The following CES5A variants were observed in gnomAD, a reference collection of about 807,000 sequenced individuals.
CES5A encodes the protein carboxylesterase 5.
Under a neutral mutation model 62.9 loss-of-function variants are expected in CES5A, and 67 were observed. That is an observed-to-expected ratio of 1.07 (90% CI 0.88 to 1.31). The LOEUF (loss-of-function observed/expected upper bound fraction) is 1.31, where lower values mean the gene tolerates loss of function less well. CES5A is among the 50% of genes most tolerant of loss of function. The pLI is 0.00. For synonymous variants in CES5A, 296 were observed against 280.8 expected (o/e 1.05, Z -0.54); for missense variants, 748 against 708.5 (o/e 1.06, Z -0.63).
intron 4 of CES5A, among the ~76,000 whole-genome samples, chr16:55,868,485 G>A (rs2033511791): frequency 6.6e-6 from 1 of 152,138 alleles, no homozygotes; most frequent in Non-Finnish European, 1.5e-5. Context: ...CAACTCCAAT[G>A]TCACCCCTCT....
intron 10 of CES5A, among the ~76,000 whole-genome samples, chr16:55,851,406 A>C (rs1254409506): frequency 6.6e-6 from 1 of 152,228 alleles, no homozygotes; most frequent in Non-Finnish European, 1.5e-5. Context: ...CATCTCTAAT[A>C]ATTAGGAAAA....
intron 1 of CES5A, among the ~76,000 whole-genome samples, chr16:55,922,509 T>A (rs533294267): frequency 6.6e-6 from 1 of 152,034 alleles, no homozygotes; most frequent in East Asian, 1.9e-4. Context: ...TTATAAATAC[T>A]TATGTATCCA....
chr16:55,949,866 G>A, exon 2 of CES5A: 1 of 1,520,668 alleles, frequency 6.6e-7, no homozygotes, highest in Non-Finnish European at 8.8e-7. Flanking sequence ...TAGTAAACCA[G>A]GCACAATCTC....
At chr16:55,955,088 A>G (rs1280438649) in intron 1 of CES5A, among the ~76,000 whole-genome samples, 1 of 152,158 alleles carries the variant, frequency 6.6e-6, no homozygotes, top group Non-Finnish European at 1.5e-5. Flanking sequence ...TCTCTGAATG[A>G]CAGTTCTGGC....
At chr16:55,849,208 G>T (rs572301940) in intron 11 of CES5A, among the ~76,000 whole-genome samples, 25 of 152,258 alleles carry the variant, frequency 1.6e-4, no homozygotes, top group African/African-American at 5.8e-4. Flanking sequence ...TCTTCTGGGT[G>T]CAGACCACTT....
chr16:55,917,217 C>T (rs1310983064), intron 1 of CES5A, among the ~76,000 whole-genome samples: 4 of 152,226 alleles, frequency 2.6e-5, no homozygotes, highest in African/African-American at 9.6e-5. Flanking sequence ...CCTTTGACCT[C>T]TCCCTTAAGC....
At chr16:55,952,351 A>G (rs2034566098) in intron 1 of CES5A, among the ~76,000 whole-genome samples, 1 of 152,108 alleles carries the variant, frequency 6.6e-6, no homozygotes, top group African/African-American at 2.4e-5. Flanking sequence ...TAAGCTCTTC[A>G]GTTCAAGAAG....
upstream of CES5A, chr16:55,875,395 G>A: frequency 7.2e-7 from 1 of 1,392,432 alleles, no homozygotes; most frequent in South Asian, 1.7e-5. Flanking sequence ...AATTGACTAA[G>A]CAAGACTTTC....
intron 1 of CES5A, among the ~76,000 whole-genome samples, chr16:55,951,103 CAAAAAAAAAAA>C (rs55951124): frequency 3.2e-4 from 14 of 44,362 alleles, no homozygotes; most frequent in African/African-American, 1.4e-3. Context: ...GACTCCATCT[CAAAAAAAAAAA>C]AAAAAAAAAA....
At chr16:55,937,416 C>T (rs1409761785) in intron 2 of CES5A, among the ~76,000 whole-genome samples, 1 of 152,232 alleles carries the variant, frequency 6.6e-6, no homozygotes, top group Non-Finnish European at 1.5e-5. Context: ...TACCTAAAGG[C>T]CTCCATCCTG....
rs538156971 is a variant in CES5A, at chr16:55,900,530, C to A, written c.-256+24793G>T. On this transcript the variant is annotated intron_variant, in intron 1 of 12. Transcript: ENST00000518005. Reference sequence around the variant, plus strand: ...TCCCATAATAAAGCTTGTGCAGGGACCTGAAAGAAAGGAGGGGAACTTGTC... The same window carrying A: ...TCCCATAATAAAGCTTGTGCAGGGAACTGAAAGAAAGGAGGGGAACTTGTC... 3.3e-5 allele frequency among the ~76,000 whole-genome samples: 5 copies of A among 152,232 alleles called. No individual in the cohort carries two copies. The South Asian group carries it at 6.2e-4, about 19-fold the overall frequency.
At position 55,859,612 on chromosome 16, in the gene CES5A, C is replaced by T. The variant is rs1205635014; in HGVS notation, c.991G>A (p.Ala331Thr). The T allele has an allele frequency of 6.2e-7, 1 of 1,613,658 alleles. No individual in the cohort carries two copies. Among genetic ancestry groups the T allele is most frequent in the East Asian group, 2.2e-5 (1 of 44,844 alleles). Residue 331 changes from alanine to threonine, a missense_variant, in exon 8 of 13, where the codon GCA becomes ACA. Coordinates refer to ENST00000290567, the MANE Select transcript of CES5A (RefSeq NM_001143685.2). Reference protein sequence around the residue: ...NEPLDLLSQKAFKAIPSIIGV... With the variant: ...NEPLDLLSQKTFKAIPSIIGV... The stretch of plus-strand genomic sequence containing the variant: ...ATGATGGAAGGAATTGCTTTAAATG[C>T]TTTCTGAGACAATAGATCTAGAGGC...
intron 2 of CES5A, 85 bp from the exon 3 acceptor site, chr16:55,871,848 G>A: frequency 6.9e-7 from 1 of 1,451,732 alleles, no homozygotes; most frequent in Non-Finnish European, 9.4e-7. Flanking sequence ...CAGCGGGGAG[G>A]CCTGGCCGTC....
At chr16:55,868,105 C>T (rs1203677694) in intron 4 of CES5A, among the ~76,000 whole-genome samples, 4 of 152,214 alleles carry the variant, frequency 2.6e-5, no homozygotes, top group Non-Finnish European at 5.9e-5. Context: ...CTTTCCCTAT[C>T]AGGCCTGTCC....
chr16:55,869,361 G>A (rs1484906260), intron 4 of CES5A: 3 of 487,470 alleles, frequency 6.2e-6, no homozygotes, highest in African/African-American at 6.0e-5. Flanking sequence ...TTGACCATGA[G>A]GAAGAATGTC....
At chr16:55,848,261 T>A (rs1489350788) in intron 11 of CES5A, among the ~76,000 whole-genome samples, 1 of 152,034 alleles carries the variant, frequency 6.6e-6, no homozygotes, top group Non-Finnish European at 1.5e-5. Context: ...TGTGCCACCA[T>A]GCTTGGCTAA....
intron 1 of CES5A, among the ~76,000 whole-genome samples, chr16:55,900,630 G>A (rs1281244796): frequency 1.3e-5 from 2 of 152,146 alleles, no homozygotes; most frequent in Non-Finnish European, 2.9e-5. Flanking sequence ...GCAAAATTCT[G>A]CTTGTCAGGG....
intron 1 of CES5A, among the ~76,000 whole-genome samples, chr16:55,954,832 G>A (rs1275468260): frequency 6.6e-6 from 1 of 152,118 alleles, no homozygotes; most frequent in Non-Finnish European, 1.5e-5. Context: ...ACTTTCCCTA[G>A]GTTCTTATAT....
chr16:55,923,289 A>G (rs2034226832), intron 1 of CES5A, among the ~76,000 whole-genome samples: 1 of 151,510 alleles, frequency 6.6e-6, no homozygotes, highest in Non-Finnish European at 1.5e-5. Flanking sequence ...CTAAGAAAAA[A>G]AGAGAGACAA....
Sources: allele counts gnomAD v4.1 joint callset (sites outside exome capture counted in the v4.1 genomes callset), GRCh38; gene constraint gnomAD v4.1.1; transcripts MANE v1.5; gene names NCBI Gene and HGNC (gene_info 2026-07-23, HGNC 2026-07-21).